LHFPL6: variants seen among roughly 807,000 people sequenced by gnomAD.
LHFPL6 encodes LHFPL tetraspan subfamily member 6 protein.
LHFPL6 carries 9 observed loss-of-function variants against 20.6 expected under a neutral mutation model. The observed-to-expected ratio is 0.44, with a 90% CI of 0.26 to 0.76. The LOEUF (loss-of-function observed/expected upper bound fraction) is 0.76, where lower values mean the gene tolerates loss of function less well. Ranked by LOEUF, LHFPL6 falls within the 30% of genes least tolerant of loss-of-function variation. LHFPL6 has a pLI of 0.20. For synonymous variants in LHFPL6, 105 were observed against 98.7 expected, an observed-to-expected ratio of 1.06 and a Z score of -0.38; for missense variants, 218 against 253.5, an observed-to-expected ratio of 0.86 and a Z score of 0.95.
intron 2 of LHFPL6, among the ~76,000 whole-genome samples, chr13:39,538,165 T>A (rs946951852): frequency 6.6e-6 from 1 of 151,740 alleles, no homozygotes; most frequent in African/African-American, 2.4e-5. Context: ...AATTTTTGTA[T>A]TTTTAGTAGA....
intron 2 of LHFPL6, among the ~76,000 whole-genome samples, chr13:39,574,261 T>A (rs1872031979): frequency 6.6e-6 from 1 of 152,026 alleles, no homozygotes; most frequent in African/African-American, 2.4e-5. Flanking sequence ...GGCGGGCGGA[T>A]CACAAGGTCA....
chr13:39,578,887 C>G (rs367563348), intron 2 of LHFPL6, among the ~76,000 whole-genome samples: 133 of 152,214 alleles, frequency 8.7e-4, no homozygotes, highest in African/African-American at 3.0e-3. Flanking sequence ...AACATTCAAA[C>G]CAGGCCTTAA....
intron 2 of LHFPL6, among the ~76,000 whole-genome samples, chr13:39,531,956 A>C (rs943823926): frequency 5.3e-5 from 8 of 152,106 alleles, no homozygotes; most frequent in Non-Finnish European, 1.2e-4. Flanking sequence ...AGTATAGTTC[A>C]TGTGCTTCTA....
chr13:39,524,370 G>A (rs1409544637), intron 2 of LHFPL6, among the ~76,000 whole-genome samples: 2 of 150,184 alleles, frequency 1.3e-5, no homozygotes, highest in African/African-American at 2.4e-5. Context: ...TGAGGGAAAC[G>A]GAGCTGTCTC....
At chr13:39,402,000 G>A (rs1871002538) in intron 2 of LHFPL6, among the ~76,000 whole-genome samples, 1 of 152,150 alleles carries the variant, frequency 6.6e-6, no homozygotes, top group Non-Finnish European at 1.5e-5. Flanking sequence ...CTAACCACAT[G>A]TGGATATTGA....
intron 2 of LHFPL6, among the ~76,000 whole-genome samples, chr13:39,388,210 T>C (rs1870617441): frequency 6.6e-6 from 1 of 152,146 alleles, no homozygotes; most frequent in Admixed American, 6.5e-5. Flanking sequence ...ATACTTCGGG[T>C]TTCCTTAAAA....
chr13:39,503,948 T>C (rs1229594171), intron 2 of LHFPL6, among the ~76,000 whole-genome samples: 1 of 152,188 alleles, frequency 6.6e-6, no homozygotes, highest in African/African-American at 2.4e-5. Context: ...TGGCAGACCA[T>C]GTATAAATAA....
intron 3 of LHFPL6, among the ~76,000 whole-genome samples, chr13:39,351,205 T>A (rs1047713367): frequency 2.0e-5 from 3 of 152,204 alleles, no homozygotes; most frequent in African/African-American, 7.2e-5. Flanking sequence ...AAATACAAAA[T>A]TAATCGTCAT....
intron 3 of LHFPL6, among the ~76,000 whole-genome samples, chr13:39,344,385 C>T (rs1869334574): frequency 1.3e-5 from 2 of 151,986 alleles, no homozygotes; most frequent in South Asian, 4.2e-4. Context: ...CTTACATCAC[C>T]CAAGCTCACC....
At chr13:39,460,827 T>G (rs1381276538) in intron 2 of LHFPL6, among the ~76,000 whole-genome samples, 4 of 152,198 alleles carry the variant, frequency 2.6e-5, no homozygotes, top group East Asian at 1.9e-4. Context: ...TTTTTTTCTT[T>G]TTTTCCTTTC....
At chr13:39,375,560 G>A (rs1186202512) in intron 3 of LHFPL6, among the ~76,000 whole-genome samples, 3 of 151,952 alleles carry the variant, frequency 2.0e-5, no homozygotes, top group South Asian at 2.1e-4. Flanking sequence ...GCCTGGTGGC[G>A]GGTGCCTGTA....
At chr13:39,368,702 G>GCC (rs1870074588) in intron 3 of LHFPL6, among the ~76,000 whole-genome samples, 1 of 152,170 alleles carries the variant, frequency 6.6e-6, no homozygotes, top group Non-Finnish European at 1.5e-5. Context: ...CAAATTAGAA[G>GCC]TGAGAGAATA....
intron 3 of LHFPL6, among the ~76,000 whole-genome samples, chr13:39,357,338 G>A (rs985668336): frequency 6.6e-6 from 1 of 151,980 alleles, no homozygotes; most frequent in Non-Finnish European, 1.5e-5. Flanking sequence ...GGCATCAAAG[G>A]AACACACCTC....
intron 3 of LHFPL6, among the ~76,000 whole-genome samples, chr13:39,351,177 T>C (rs992334983): frequency 6.6e-6 from 1 of 152,222 alleles, no homozygotes. Context: ...TCAGACGTTA[T>C]ACTTGTGCTA....
chr13:39,565,809 C>T (rs141945408), intron 2 of LHFPL6, among the ~76,000 whole-genome samples: 1 of 152,360 alleles, frequency 6.6e-6, no homozygotes, highest in East Asian at 1.9e-4. Flanking sequence ...CTCACTGCCT[C>T]AGCCACCTAC....
At position 39,399,551 on chromosome 13, in the gene LHFPL6, T is replaced by C. The variant is rs78372732; in HGVS notation, c.386-21025A>G. Among the ~76,000 whole-genome samples, 26 of 152,282 alleles carry C rather than the reference T, an allele frequency of 1.7e-4. No individual in the cohort carries two copies. In the East Asian group the frequency reaches 4.8e-3, roughly 28 times the overall value. ...TAATTGGAAATTTAGGATAGCAGAATTGGCAAATCAGGACAAGAATTATGA... is the reference window on the plus strand; with the variant it reads ...TAATTGGAAATTTAGGATAGCAGAACTGGCAAATCAGGACAAGAATTATGA... On this transcript the variant is annotated intron_variant, in intron 2 of 3. Transcript: ENST00000379589.
intron 2 of LHFPL6, among the ~76,000 whole-genome samples, chr13:39,379,261 T>G (rs753472638): frequency 2.6e-5 from 4 of 152,226 alleles, no homozygotes; most frequent in East Asian, 3.8e-4. Flanking sequence ...AGTCTTTAGT[T>G]TGCATCAAAG....
intron 2 of LHFPL6, among the ~76,000 whole-genome samples, chr13:39,472,518 G>A (rs193232289): frequency 2.6e-5 from 4 of 152,172 alleles, no homozygotes; most frequent in African/African-American, 9.6e-5. Flanking sequence ...TTTATTTCCT[G>A]GGGAATATGC....
intron 3 of LHFPL6, among the ~76,000 whole-genome samples, chr13:39,366,757 CTGA>C (rs1870023725): frequency 6.6e-6 from 1 of 152,172 alleles, no homozygotes; most frequent in Non-Finnish European, 1.5e-5. Context: ...CTCACAGGGG[CTGA>C]TGTGAAACAG....
Sources: gnomAD v4.1 joint callset for allele counts (sites outside exome capture counted in the v4.1 genomes callset) on GRCh38, gnomAD v4.1.1 for gene constraint, MANE v1.5 for transcripts, NCBI Gene and HGNC (gene_info 2026-07-23, HGNC 2026-07-21) for gene names.